Variants in HOOK1 observed in about 807,000 individuals in gnomAD.
HOOK1 encodes the protein protein Hook homolog 1.
Under a neutral mutation model 112.8 loss-of-function variants are expected in HOOK1, and 60 were observed. The observed-to-expected ratio is 0.53, with a 90% confidence interval of 0.43 to 0.66. The LOEUF is 0.66. HOOK1 is among the 30% of genes least tolerant of loss of function. HOOK1 has a pLI of 0.00. For missense variants in HOOK1, 770 were observed against 856.0 expected (o/e 0.90, Z 1.25); for synonymous variants, 294 against 283.8 (o/e 1.04, Z -0.36).
At chr1:59,866,196 T>G (rs1326978341) in intron 19 of HOOK1, among the ~76,000 whole-genome samples, 1 of 152,208 alleles carries the variant, frequency 6.6e-6, no homozygotes, top group African/African-American at 2.4e-5. Context: ...AGGGACTGTT[T>G]AGACAGACTG....
intron 20 of HOOK1, among the ~76,000 whole-genome samples, chr1:59,868,871 T>C (rs1020662697): frequency 2.0e-5 from 3 of 152,166 alleles, no homozygotes; most frequent in Admixed American, 6.5e-5. Context: ...TCATGCAAAA[T>C]TATATTAGTA....
At position 59,858,912 on chromosome 1, in the gene HOOK1, G is replaced by T. The variant is rs547562355; in HGVS notation, c.1331-73G>T. On this transcript the variant is annotated intron_variant, in intron 13 of 21. Transcript: ENST00000371208. ...AAGAAAGAAAAACAAAGAGAGGGAGGGGGGGAAGGAGGGAGGGTTTTTTAA... is the reference window on the plus strand; with the variant it reads ...AAGAAAGAAAAACAAAGAGAGGGAGTGGGGGAAGGAGGGAGGGTTTTTTAA... 64 of 774,256 alleles carry T rather than the reference G, an allele frequency of 8.3e-5. No homozygotes were observed. The East Asian group carries it at 1.0e-3, about 12-fold the overall frequency. The allele number at this position is 774,256 out of a possible 1,614,324, so 48.0% of individuals were successfully genotyped here.
intron 9 of HOOK1, among the ~76,000 whole-genome samples, chr1:59,845,705 A>G (rs1439262147): frequency 1.3e-5 from 2 of 151,872 alleles, no homozygotes; most frequent in African/African-American, 4.8e-5. Flanking sequence ...TTAAAAACCT[A>G]CATTCTGGAG....
At chr1:59,869,423 C>T (rs1644018980) in intron 20 of HOOK1, among the ~76,000 whole-genome samples, 1 of 152,126 alleles carries the variant, frequency 6.6e-6, no homozygotes, top group Non-Finnish European at 1.5e-5. Context: ...AACTCCTCAC[C>T]TCAAGTGATC....
At chr1:59,840,070 G>T (rs549044574) in intron 7 of HOOK1, among the ~76,000 whole-genome samples, 14 of 152,190 alleles carry the variant, frequency 9.2e-5, no homozygotes, top group African/African-American at 3.4e-4. Flanking sequence ...AGCTTTTTGA[G>T]TGCTGCTGGA....
At chr1:59,832,105 C>T in intron 3 of HOOK1, 58 bp from the exon 4 acceptor site, 1 of 952,136 alleles carries the variant, frequency 1.1e-6, no homozygotes, top group South Asian at 1.6e-5. Flanking sequence ...TTCATGCTGA[C>T]ATAACTTTTC....
At position 59,873,768 on chromosome 1, in the gene HOOK1, T is replaced by C. The variant is rs940532218; in HGVS notation, c.*803T>C. The C allele has an allele frequency of 7.4e-6, 1 of 135,588 alleles. No individual in the cohort carries two copies. The highest frequency in any genetic ancestry group is 1.6e-5 in the Non-Finnish European group (1 of 62,496). 8.4% of individuals were successfully genotyped at this position (135,588 alleles called of 1,614,324 possible). On this transcript the variant is annotated 3_prime_UTR_variant, in exon 22 of 22. Transcript: ENST00000371208. ...ATATATATATATATATATATATACT[T>C]TTTGTGAAATGTCTATATACTTTTT...
At chr1:59,854,028 ATATATATATATTTTTTTTTTTTTT>A (rs1188388117) in intron 12 of HOOK1, among the ~76,000 whole-genome samples, 11 of 23,402 alleles carry the variant, frequency 4.7e-4, no homozygotes, top group African/African-American at 2.4e-3. Context: ...ATATATATAT[ATATATATATATTTTTTTTTTTTTT>A]TTTTTTTTTT....
intron 20 of HOOK1, among the ~76,000 whole-genome samples, chr1:59,870,313 C>T (rs957063224): frequency 5.9e-5 from 9 of 152,208 alleles, no homozygotes. Context: ...TCTAGACACA[C>T]ACTGCAAAAA....
At chr1:59,840,210 C>T (rs934993017) in intron 7 of HOOK1, 98 bp from the exon 8 acceptor site, 1 of 570,650 alleles carries the variant, frequency 1.8e-6, no homozygotes, top group African/African-American at 1.9e-5. Flanking sequence ...TTTCCCATAT[C>T]AGTGTATATG....
chr1:59,836,757 CAAATT>C (rs1051801110), intron 6 of HOOK1, 111 bp from the exon 7 acceptor site: 13 of 588,180 alleles, frequency 2.2e-5, no homozygotes, highest in Admixed American at 2.2e-4. Flanking sequence ...TAAGGATCCT[CAAATT>C]AAGGCAAGGA....
intron 3 of HOOK1, among the ~76,000 whole-genome samples, chr1:59,829,965 A>G (rs1344917196): frequency 1.3e-5 from 2 of 152,114 alleles, no homozygotes; most frequent in African/African-American, 2.4e-5. Context: ...CCTTTGACCT[A>G]TGAGTAAATT....
intron 9 of HOOK1, among the ~76,000 whole-genome samples, chr1:59,846,474 G>T (rs2098403835): frequency 6.6e-6 from 1 of 150,804 alleles, no homozygotes; most frequent in Admixed American, 6.6e-5. Flanking sequence ...TTGAAACTTA[G>T]ATCATTGATT....
intron 12 of HOOK1, among the ~76,000 whole-genome samples, chr1:59,855,761 C>G (rs2098410120): frequency 6.7e-6 from 1 of 150,040 alleles, no homozygotes; most frequent in Non-Finnish European, 1.5e-5. Context: ...CTGCACTGAG[C>G]CCATCTAGTT....
chr1:59,844,054 C>T (rs920874542), intron 9 of HOOK1, among the ~76,000 whole-genome samples: 3 of 152,028 alleles, frequency 2.0e-5, no homozygotes, highest in Non-Finnish European at 4.4e-5. Context: ...GTGCATACCA[C>T]TCAGCCATGA....
chr1:59,817,811 T>C (rs1196210103), intron 1 of HOOK1, among the ~76,000 whole-genome samples: 1 of 152,236 alleles, frequency 6.6e-6, no homozygotes, highest in African/African-American at 2.4e-5. Flanking sequence ...CTGTAACCTG[T>C]TAACCTCTTT....
chr1:59,848,474 A>G lies in HOOK1; in HGVS notation c.1089A>G (p.Lys363=). 1 of 1,610,562 alleles carries G rather than the reference A, an allele frequency of 6.2e-7. No homozygotes were observed. Among genetic ancestry groups the G allele is most frequent in the Non-Finnish European group, 8.5e-7 (1 of 1,177,458 alleles). ...TCAGCTTAGAAGAAGAATTAAAAAA[A>G]GCAAATGCAGCACGTACACAATTAG... The part of the protein sequence containing the change: ...NTVSLEEELK[K]ANAARTQLET... The change falls in exon 11 of 22, where the codon AAA becomes AAG. Residue 363 remains lysine, a synonymous_variant. Coordinates refer to ENST00000371208, the MANE Select transcript of HOOK1 (RefSeq NM_015888.6).
At chr1:59,834,777 G>A (rs112793278) in intron 5 of HOOK1, among the ~76,000 whole-genome samples, 146 of 151,814 alleles carry the variant, frequency 9.6e-4, no homozygotes, top group African/African-American at 3.3e-3. Flanking sequence ...TGTAAGTTTC[G>A]TTAGTCTTTT....
intron 12 of HOOK1, among the ~76,000 whole-genome samples, chr1:59,857,368 TAA>T (rs781346744): frequency 6.6e-5 from 10 of 152,154 alleles, no homozygotes; most frequent in Non-Finnish European, 1.2e-4. Context: ...TTAGAAAAGT[TAA>T]AAGAGCAAAA....
Sources: allele counts gnomAD v4.1 joint callset (sites outside exome capture counted in the v4.1 genomes callset), GRCh38; gene constraint gnomAD v4.1.1; transcripts MANE v1.5; gene names NCBI Gene and HGNC (gene_info 2026-07-23, HGNC 2026-07-21).